The following CLCN2 variants were observed in gnomAD, a reference collection of about 807,000 sequenced individuals.
CLCN2 encodes the protein chloride channel protein 2.
A neutral mutation model predicts 108.3 loss-of-function variants in CLCN2; 72 were observed. The observed-to-expected ratio is 0.66, with a 90% CI of 0.55 to 0.81. The LOEUF is 0.81. Among genes scored for constraint, CLCN2 ranks in the 30% least tolerant of loss-of-function variants. CLCN2 has a pLI of 0.00. For missense variants in CLCN2, 1,048 were observed against 1,205.2 expected (o/e 0.87, Z 1.93); for synonymous variants, 471 against 467.1 (o/e 1.01, Z -0.11).
chr3:184,356,970 G>C, intron 10 of CLCN2, 23 bp downstream of exon 10: 1 of 1,566,792 alleles, frequency 6.4e-7, no homozygotes, highest in Non-Finnish European at 8.8e-7. Context: ...AAGCAGCCTG[G>C]AGAGGAGCCG....
intron 14 of CLCN2, 113 bp from the exon 15 acceptor site, chr3:184,354,427 T>C: frequency 1.5e-6 from 2 of 1,317,820 alleles, no homozygotes; most frequent in South Asian, 2.4e-5. Context: ...GTCCTGGGAT[T>C]GGACCTGTGC....
Position 184,354,950 on chromosome 3 carries a change from G to C in CLCN2, c.1350C>G (p.Thr450=). 6.2e-7 allele frequency: 1 copy of C among 1,614,008 alleles called. No individual in the cohort carries two copies. ...LMKFWMSALA[T]TIPVPCGAFM... ...AGGCCCCACAGGGAACTGGGATGGT[G>C]GTGGCCAGTGCAGACATCCAGAACT... The change falls in exon 13 of 24, where the codon ACC becomes ACG. Residue 450 remains threonine, a synonymous_variant. Transcript: ENST00000265593.
At chr3:184,351,332 G>T (rs1200809974) in intron 22 of CLCN2, among the ~76,000 whole-genome samples, 2 of 152,076 alleles carry the variant, frequency 1.3e-5, no homozygotes, top group Non-Finnish European at 2.9e-5. Flanking sequence ...AATGCAGGCT[G>T]CCCCCCTTAG....
intron 18 of CLCN2, 60 bp from the exon 19 acceptor site, chr3:184,352,870 A>C: frequency 6.3e-7 from 1 of 1,597,336 alleles, no homozygotes; most frequent in Non-Finnish European, 8.6e-7. Context: ...GAGGACCAGG[A>C]AAGGTAAGGA....
intron 10 of CLCN2, chr3:184,356,673 C>A: frequency 2.6e-6 from 1 of 379,532 alleles, no homozygotes; most frequent in South Asian, 2.8e-5. Flanking sequence ...CTCATCTATC[C>A]CCATGGGTCA....
chr3:184,347,098 A>G, intron 22 of CLCN2, 77 bp from the exon 23 acceptor site: 5 of 1,285,800 alleles, frequency 3.9e-6, no homozygotes, highest in Non-Finnish European at 5.7e-6. Flanking sequence ...GGGGCCCAGG[A>G]CAAGGTTGGT....
In CLCN2 at chr3:184,355,410, G is replaced by A. The variant is rs185438143; in HGVS notation, c.1290C>T (p.Asn430=). Residue 430 remains asparagine (N), a synonymous_variant, in exon 12 of 24, where the codon AAC becomes AAT. Coordinates refer to ENST00000265593, the MANE Select transcript of CLCN2 (RefSeq NM_004366.6). This position sits in a 1 kb window ranked among gnomAD's most constrained non-coding sequence, Gnocchi z 6.3. The part of the protein sequence containing the change: ...TSQAWNPPRA[N]VFLTLVIFIL... ...TGAAGATGACCAGGGTGAGGAAGAC[G>A]TTGGCACGTGGTGGGTTCCAGGCCT... The A allele has an allele frequency of 8.0e-5, 129 of 1,614,038 alleles. No individual in the cohort carries two copies. The highest frequency in any genetic ancestry group is 2.7e-4 in the Admixed American group (16 of 60,018).
At chr3:184,354,506 G>A (rs560051482) in intron 14 of CLCN2, 42 bp downstream of exon 14, 2 of 1,521,608 alleles carry the variant, frequency 1.3e-6, no homozygotes, top group Admixed American at 1.7e-5. Context: ...TGGGGCGTGG[G>A]TGGGGGGGTC....
chr3:184,352,916 C>A lies in CLCN2; in HGVS notation c.2144-106G>T, dbSNP rs1377441859. 10 of 1,530,906 alleles carry A rather than the reference C, an allele frequency of 6.5e-6. No homozygotes were observed. The East Asian group carries it at 2.2e-4, about 34-fold the overall frequency. 94.8% of individuals were successfully genotyped at this position (1,530,906 alleles called of 1,614,324 possible). Reference sequence around the variant, plus strand: ...AGAGGTATCCCAGTTCCAGCCCTGGCCCATGTGGGCAGCCTCTTCCAGCTG... The same window carrying A: ...AGAGGTATCCCAGTTCCAGCCCTGGACCATGTGGGCAGCCTCTTCCAGCTG... On this transcript the variant is annotated intron_variant, in intron 18 of 23. Transcript: ENST00000265593.
chr3:184,348,007 C>G (rs1452247169), intron 22 of CLCN2: 1 of 152,188 alleles, frequency 6.6e-6, no homozygotes, highest in East Asian at 1.9e-4. Flanking sequence ...ACTTGTAAGC[C>G]TCTTCGCTTA....
intron 22 of CLCN2, among the ~76,000 whole-genome samples, chr3:184,350,047 T>C (rs1727978053): frequency 6.6e-6 from 1 of 152,272 alleles, no homozygotes; most frequent in Non-Finnish European, 1.5e-5. Flanking sequence ...ACATTTTGAA[T>C]TCTAATCTTT....
intron 1 of CLCN2, 32 bp from the exon 2 acceptor site, chr3:184,359,163 G>A: frequency 6.2e-7 from 1 of 1,613,322 alleles, no homozygotes; most frequent in Non-Finnish European, 8.5e-7. Context: ...GGGCATTCGA[G>A]GTCATGGGCT....
At chr3:184,350,391 G>A (rs543530700) in intron 22 of CLCN2, among the ~76,000 whole-genome samples, 1 of 152,206 alleles carries the variant, frequency 6.6e-6, no homozygotes, top group Non-Finnish European at 1.5e-5. Flanking sequence ...TAAGGCCACA[G>A]GCTTTTGAGT....
At position 184,357,861 on chromosome 3, in the gene CLCN2, G is replaced by A. The variant is rs749435407; in HGVS notation, c.616-5C>T. The A allele has an allele frequency of 2.7e-5, 43 of 1,613,712 alleles. No homozygotes were observed. The highest frequency in any genetic ancestry group is 4.5e-5 in the East Asian group (2 of 44,896). Reference sequence around the variant, plus strand: ...TGCGATATGCACAAAAGGGCCCTGCGGGGTGGGGCAGGCGGTGAGTCGGGA... The same window carrying A: ...TGCGATATGCACAAAAGGGCCCTGCAGGGTGGGGCAGGCGGTGAGTCGGGA... On this transcript the variant is annotated splice_region_variant and splice_polypyrimidine_tract_variant and intron_variant, in intron 5 of 23. Coordinates refer to ENST00000265593, the MANE Select transcript of CLCN2 (RefSeq NM_004366.6).
chr3:184,360,110 G>A (rs1394031286), intron 1 of CLCN2, among the ~76,000 whole-genome samples: 4 of 151,948 alleles, frequency 2.6e-5, no homozygotes, highest in African/African-American at 9.7e-5. Flanking sequence ...GAAGGCGAAG[G>A]GATGGAGAAG....
At chr3:184,347,702 C>T (rs369362647) in intron 22 of CLCN2, 5 of 162,776 alleles carry the variant, frequency 3.1e-5, no homozygotes, top group South Asian at 1.6e-4. Context: ...GCCTGAAGCA[C>T]GCTATGCCTC....
In CLCN2 at chr3:184,352,804, G is replaced by A; in HGVS notation, c.2150C>T (p.Ala717Val). Residue 717 changes from alanine to valine, a missense_variant, in exon 19 of 24, where the codon GCA becomes GTA. Physicochemically the swap from Ala to Val is moderately conservative, Grantham distance 64. Transcript: ENST00000265593. ...RNLGESPTGS[A>V]ESAGIALRSL... Reference sequence around the variant, plus strand: ...CCGGAGGGCGATGCCTGCCGACTCTGCGCTCCCTGTGTTCCCAAACATAAG... The same window carrying A: ...CCGGAGGGCGATGCCTGCCGACTCTACGCTCCCTGTGTTCCCAAACATAAG... 6.2e-7 allele frequency: 1 copy of A among 1,613,248 alleles called. No individual in the cohort carries two copies. The highest frequency in any genetic ancestry group is 8.5e-7 in the Non-Finnish European group (1 of 1,179,998).
rs750578412 is a variant in CLCN2 at position 184,355,492 on chromosome 3, T to C, written c.1208A>G (p.Asn403Ser). 2 of 1,614,054 alleles carry C rather than the reference T, an allele frequency of 1.2e-6. No homozygotes were observed. The highest frequency in any genetic ancestry group is 8.5e-7 in the Non-Finnish European group (1 of 1,180,016). The change falls in exon 12 of 24, where the codon AAT becomes AGT. Residue 403 changes from asparagine to serine, a missense_variant. Physicochemically the swap from Asn to Ser is conservative, Grantham distance 46. Coordinates refer to ENST00000265593, the MANE Select transcript of CLCN2 (RefSeq NM_004366.6). The surrounding 1 kb of genome is among the most constrained non-coding windows in gnomAD (Gnocchi z 6.3). Reference sequence around the variant, plus strand: ...CAGGCCCTGGCGGACCCACGTCCGATTGTCAAACAGGGTGACCAGCGTCTC... The same window carrying C: ...CAGGCCCTGGCGGACCCACGTCCGACTGTCAAACAGGGTGACCAGCGTCTC... ...QKETLVTLFD[N>S]RTWVRQGLVE...
intron 21 of CLCN2, 84 bp downstream of exon 21, chr3:184,352,209 G>T: frequency 6.2e-7 from 1 of 1,600,172 alleles, no homozygotes; most frequent in Middle Eastern, 1.7e-4. Context: ...CCAACCCCGT[G>T]GTCCCTCCCA....
Sources: allele counts gnomAD v4.1 joint callset (sites outside exome capture counted in the v4.1 genomes callset), GRCh38; gene constraint gnomAD v4.1.1; non-coding constraint Gnocchi (gnomAD v3.1); transcripts MANE v1.5; gene names NCBI Gene and HGNC (gene_info 2026-07-23, HGNC 2026-07-21).